The following RELB variants were observed in gnomAD, a reference collection of about 807,000 sequenced individuals.
RELB encodes RELB proto-oncogene, NF-kB subunit, also known as transcription factor RelB.
A neutral mutation model predicts 55.4 loss-of-function variants in RELB; 14 were observed. That is an observed-to-expected ratio of 0.25 (90% CI 0.17 to 0.40). The LOEUF (loss-of-function observed/expected upper bound fraction) is 0.40, where lower values mean the gene tolerates loss of function less well. RELB is among the 10% of genes least tolerant of loss of function. The probability of loss-of-function intolerance (pLI) is 1.00; values close to 1 mark genes in which losing one functional copy is unlikely to be tolerated. For synonymous variants in RELB, 409 were observed against 371.3 expected, an observed-to-expected ratio of 1.10 and a Z score of -1.17; for missense variants, 669 against 830.7, an observed-to-expected ratio of 0.81 and a Z score of 2.39.
chr19:45,027,589 G>A (rs184720324), intron 7 of RELB, among the ~76,000 whole-genome samples: 5 of 152,232 alleles, frequency 3.3e-5, no homozygotes, highest in Admixed American at 1.3e-4. Flanking sequence ...TGGCCAGAGG[G>A]ATGCACTGCT....
Position 45,032,517 on chromosome 19 carries a change from C to T in RELB, c.992-17C>T, listed in dbSNP as rs1461569195. ...CCAGATGTCCTGGCTTAGCTGATGTCCCCCGTTTCCTGCCAGAGGACATAT... is the reference window on the plus strand; with the variant it reads ...CCAGATGTCCTGGCTTAGCTGATGTTCCCCGTTTCCTGCCAGAGGACATAT... On this transcript the variant is annotated splice_polypyrimidine_tract_variant and intron_variant, in intron 8 of 11. Transcript: ENST00000221452. 2 of 1,599,654 alleles carry T rather than the reference C, an allele frequency of 1.3e-6. No homozygotes were observed. Among genetic ancestry groups the T allele is most frequent in the Middle Eastern group, 1.7e-4 (1 of 6,040 alleles).
At chr19:45,019,510 C>T (rs1342553202) in intron 4 of RELB, among the ~76,000 whole-genome samples, 2 of 152,016 alleles carry the variant, frequency 1.3e-5, no homozygotes, top group African/African-American at 2.4e-5. Context: ...ATTAGTAATC[C>T]CATCAAATCA....
In RELB at chr19:45,037,974, G is replaced by A; in HGVS notation, c.*184G>A. On this transcript the variant is annotated 3_prime_UTR_variant, in exon 12 of 12. Coordinates refer to ENST00000221452, the MANE Select transcript of RELB (RefSeq NM_006509.4). ...CCCTTGAGCCCATTTTACAGATGAG[G>A]AAACTGAGTCCGGAGAGGAAAAGGG... The A allele has an allele frequency of 1.9e-6, 1 of 519,804 alleles. No homozygotes were observed. Among genetic ancestry groups the A allele is most frequent in the Non-Finnish European group, 3.1e-6 (1 of 320,108 alleles). The allele number at this position is 519,804 out of a possible 1,614,324, so 32.2% of individuals were successfully genotyped here. A position where few individuals can be genotyped will look rare whatever the true frequency, so the allele number is the denominator to read the frequency against.
chr19:45,008,396 T>TC, intron 2 of RELB: 2 of 455,846 alleles, frequency 4.4e-6, no homozygotes, highest in South Asian at 3.1e-5. Flanking sequence ...GGACTCAGTC[T>TC]CCCCCTACAG....
chr19:45,037,283 G>GAAAAA, intron 11 of RELB, 122 bp from the exon 12 acceptor site: 2 of 872,968 alleles, frequency 2.3e-6, no homozygotes, highest in Non-Finnish European at 1.6e-6. Flanking sequence ...CTCCATCTCA[G>GAAAAA]AAAAAAAAAA....
intron 2 of RELB, among the ~76,000 whole-genome samples, chr19:45,006,949 C>T (rs2122393006): frequency 6.8e-6 from 1 of 147,730 alleles, no homozygotes; most frequent in East Asian, 2.0e-4. Flanking sequence ...CAGCAAAACT[C>T]CATCTGAAAA....
At chr19:45,020,724 A>AT (rs1270507120) in intron 4 of RELB, among the ~76,000 whole-genome samples, 2 of 118,866 alleles carry the variant, frequency 1.7e-5, no homozygotes, top group Non-Finnish European at 3.5e-5. Context: ...CGCCCAGCTA[A>AT]TTTTTTGTAT....
intron 5 of RELB, among the ~76,000 whole-genome samples, chr19:45,023,066 A>G (rs1971509240): frequency 6.6e-6 from 1 of 152,110 alleles, no homozygotes; most frequent in Non-Finnish European, 1.5e-5. Context: ...TATTGCTCAC[A>G]CTCAGGTCTG....
chr19:45,002,300 G>GA (rs1971222667), intron 1 of RELB, among the ~76,000 whole-genome samples: 1 of 152,148 alleles, frequency 6.6e-6, no homozygotes, highest in Non-Finnish European at 1.5e-5. Context: ...CCTTGACATT[G>GA]AAAAAATTAA....
chr19:45,016,444 C>T (rs777649111), intron 4 of RELB, among the ~76,000 whole-genome samples: 3 of 152,044 alleles, frequency 2.0e-5, no homozygotes, highest in Non-Finnish European at 2.9e-5. Flanking sequence ...TTGTTAATGC[C>T]GTGGCCACAA....
At chr19:45,027,181 C>T (rs963543342) in intron 7 of RELB, among the ~76,000 whole-genome samples, 1 of 145,676 alleles carries the variant, frequency 6.9e-6, no homozygotes, top group Non-Finnish European at 1.5e-5. Context: ...TGCAGTGAGC[C>T]GAGATCGCAC....
chr19:45,014,168 C>CTTTTTTTT (rs113601074), intron 4 of RELB, among the ~76,000 whole-genome samples: 1 of 126,806 alleles, frequency 7.9e-6, no homozygotes, highest in African/African-American at 3.1e-5. Flanking sequence ...ATTTCTAAGG[C>CTTTTTTTT]TTTTTTTTTT....
chr19:45,007,426 G>A (rs759435441), intron 2 of RELB, among the ~76,000 whole-genome samples: 2 of 152,204 alleles, frequency 1.3e-5, no homozygotes, highest in Non-Finnish European at 2.9e-5. Context: ...CCTCATGTTA[G>A]TTCCTGAGGT....
intron 5 of RELB, among the ~76,000 whole-genome samples, chr19:45,024,155 TTTTA>T (rs928878341): frequency 3.0e-4 from 45 of 151,216 alleles, no homozygotes; most frequent in African/African-American, 1.1e-3. Context: ...AGTTTTCTTA[TTTTA>T]TTTATTTATT....
chr19:45,037,568 C>CCCGGCA lies in RELB; in HGVS notation c.1522_1527dup (p.Ala508_Pro509dup). 1 of 1,612,770 alleles carries CCCGGCA rather than the reference C, an allele frequency of 6.2e-7. No homozygotes were observed. Among genetic ancestry groups the CCCGGCA allele is most frequent in the Non-Finnish European group, 8.5e-7 (1 of 1,179,446 alleles). Reference sequence around the variant, plus strand: ...TCTTCACCATGCTGGACCTGCTGCCCCCGGCACCGCCACACGCTAGCGCTG... The same window carrying CCCGGCA: ...TCTTCACCATGCTGGACCTGCTGCCCCCGGCACCGGCACCGCCACACGCTAGCGCTG... On this transcript the variant is annotated inframe_insertion, in exon 12 of 12. Coordinates refer to ENST00000221452, the MANE Select transcript of RELB (RefSeq NM_006509.4).
At chr19:45,025,006 T>C (rs1302387065) in intron 5 of RELB, among the ~76,000 whole-genome samples, 1 of 152,034 alleles carries the variant, frequency 6.6e-6, no homozygotes, top group Non-Finnish European at 1.5e-5. Context: ...ATTACAGGCA[T>C]GCACTACTAT....
chr19:45,012,635 C>T lies in RELB; in HGVS notation c.504+359C>T, dbSNP rs528989464. Among the ~76,000 whole-genome samples the T allele has an allele frequency of 2.0e-5, 3 of 150,994 alleles. No individual in the cohort carries two copies. The East Asian group carries it at 5.9e-4, about 30-fold the overall frequency. On this transcript the variant is annotated intron_variant, in intron 4 of 11. Coordinates refer to ENST00000221452, the MANE Select transcript of RELB (RefSeq NM_006509.4). ...GGCACAATCCCAGCTATTTAGGAGG[C>T]CGAGGTGGGAGGATTAGCTGAGCCC...
chr19:45,010,811 G>A (rs1971341606), intron 3 of RELB, among the ~76,000 whole-genome samples: 1 of 152,094 alleles, frequency 6.6e-6, no homozygotes, highest in South Asian at 2.1e-4. Flanking sequence ...CCGAGTAGCT[G>A]GGAGTACAGG....
chr19:45,037,312 T>C, intron 11 of RELB, 93 bp from the exon 12 acceptor site: 1 of 1,237,138 alleles, frequency 8.1e-7, no homozygotes, highest in Non-Finnish European at 1.1e-6. Flanking sequence ...CACCTTGATA[T>C]CACATTTTGC....
Sources: allele counts gnomAD v4.1 joint callset (sites outside exome capture counted in the v4.1 genomes callset), GRCh38; gene constraint gnomAD v4.1.1; transcripts MANE v1.5; gene names NCBI Gene and HGNC (gene_info 2026-07-23, HGNC 2026-07-21).